SLC6A6: variants seen among roughly 807,000 people sequenced by gnomAD.
The protein encoded by SLC6A6 is solute carrier family 6 member 6.
SLC6A6 carries 16 observed loss-of-function variants against 68.8 expected under a neutral mutation model. The ratio of observed to expected loss-of-function variants is 0.23; its 90% CI spans 0.16 to 0.35. The LOEUF (loss-of-function observed/expected upper bound fraction) is 0.35, where lower values mean the gene tolerates loss of function less well. Ranked by LOEUF, SLC6A6 falls within the 10% of genes least tolerant of loss-of-function variation. SLC6A6 has a pLI of 1.00. For missense variants in SLC6A6, 474 were observed against 802.8 expected, an observed-to-expected ratio of 0.59 and a Z score of 4.95; for synonymous variants, 312 against 315.4, an observed-to-expected ratio of 0.99 and a Z score of 0.12.
intron 4 of SLC6A6, 120 bp from the exon 5 acceptor site, chr3:14,447,462 T>C (rs1240885289): frequency 2.4e-6 from 3 of 1,243,188 alleles, no homozygotes. Flanking sequence ...TGGTGGTCAC[T>C]GTTGAAAGGC....
intron 10 of SLC6A6, among the ~76,000 whole-genome samples, chr3:14,473,020 C>A (rs1700789716): frequency 6.6e-6 from 1 of 152,220 alleles, no homozygotes; most frequent in African/African-American, 2.4e-5. Context: ...AACCCCGTAT[C>A]CCACCCCTTC....
In SLC6A6 at chr3:14,468,336, C is replaced by T; in HGVS notation, c.1096+124C>T. ...GGACGAGCCTGGTTTCTAAAATGGA[C>T]CCCCCCCCCGCCACCAAGATATCCC... On this transcript the variant is annotated intron_variant, in intron 9 of 14. Transcript: ENST00000622186. This position sits in a 1 kb window ranked among gnomAD's most constrained non-coding sequence, Gnocchi z 4.5. The T allele has an allele frequency of 1.6e-5, 4 of 255,972 alleles. No individual in the cohort carries two copies. Among genetic ancestry groups the T allele is most frequent in the Non-Finnish European group, 2.3e-5 (4 of 170,306 alleles). 15.9% of individuals were successfully genotyped at this position (255,972 alleles called of 1,614,324 possible).
chr3:14,484,843 C>A, intron 14 of SLC6A6, 24 bp from the exon 15 acceptor site: 5 of 1,608,726 alleles, frequency 3.1e-6, no homozygotes, highest in Non-Finnish European at 4.2e-6. Flanking sequence ...CGTTTCCCCC[C>A]TCACTCCTGT....
chr3:14,435,446 G>C (rs921112538), intron 2 of SLC6A6, among the ~76,000 whole-genome samples: 1 of 152,232 alleles, frequency 6.6e-6, no homozygotes, highest in East Asian at 1.9e-4. Flanking sequence ...ACCCCAGGTA[G>C]ATAACAAGCC....
chr3:14,443,615 C>T lies in SLC6A6; in HGVS notation c.-11-9C>T, dbSNP rs776026843. 1.3e-6 allele frequency: 2 copies of T among 1,560,524 alleles called. No individual in the cohort carries two copies. The highest frequency in any genetic ancestry group is 2.3e-5 in the East Asian group (1 of 44,408). On this transcript the variant is annotated splice_polypyrimidine_tract_variant and intron_variant, in intron 2 of 14. Transcript: ENST00000622186. ...CAGCTGCAGGATGCTTCTCTTTTGT[C>T]CCCCATAGAAAGCAAGGAGATGGCC...
chr3:14,424,919 A>AGCTT (rs1699559656), intron 2 of SLC6A6, among the ~76,000 whole-genome samples: 1 of 152,154 alleles, frequency 6.6e-6, no homozygotes, highest in Non-Finnish European at 1.5e-5. Flanking sequence ...CGCCTGTTTG[A>AGCTT]CACACAACAC....
intron 5 of SLC6A6, among the ~76,000 whole-genome samples, chr3:14,451,622 G>C (rs942434666): frequency 2.0e-5 from 3 of 152,214 alleles, no homozygotes; most frequent in Non-Finnish European, 4.4e-5. Context: ...AATTGAATGT[G>C]ATTTTTGGAC....
rs149679171 is a variant in SLC6A6, at chr3:14,414,735, T to C, written c.-53-1677T>C. Among the ~76,000 whole-genome samples, 446 of 152,292 alleles carry C rather than the reference T, an allele frequency of 2.9e-3. 15 individuals are homozygous for C. In the East Asian group the frequency reaches 0.062, roughly 21 times the overall value. On this transcript the variant is annotated intron_variant, in intron 1 of 14. Transcript: ENST00000622186. ...TTTGTAGAGACAGGTCTCCCTGTGTTGCTCAGGTTGGTCTTGAACTCTTGG... is the reference window on the plus strand; with the variant it reads ...TTTGTAGAGACAGGTCTCCCTGTGTCGCTCAGGTTGGTCTTGAACTCTTGG...
At chr3:14,452,372 G>A (rs187105967) in intron 5 of SLC6A6, among the ~76,000 whole-genome samples, 2,211 of 152,310 alleles carry the variant, frequency 0.015, 22 homozygotes, top group Non-Finnish European at 0.022. Context: ...GATGTGCTTT[G>A]CAGGGGGCCA....
At chr3:14,415,538 T>A (rs1347091126) in intron 1 of SLC6A6, among the ~76,000 whole-genome samples, 1 of 152,170 alleles carries the variant, frequency 6.6e-6, no homozygotes, top group Non-Finnish European at 1.5e-5. Flanking sequence ...GTTTAACAGT[T>A]CATTGAAAAT....
At chr3:14,444,986 TCCTGC>T (rs985314905) in intron 3 of SLC6A6, 3 of 399,102 alleles carry the variant, frequency 7.5e-6, no homozygotes, top group African/African-American at 6.2e-5. Flanking sequence ...CTTTTCTGCC[TCCTGC>T]CCTGGGCAGG....
At chr3:14,460,332 T>C (rs1386465184) in intron 6 of SLC6A6, among the ~76,000 whole-genome samples, 1 of 151,772 alleles carries the variant, frequency 6.6e-6, no homozygotes, top group Non-Finnish European at 1.5e-5. Flanking sequence ...CAAATGGGGA[T>C]GCGAGCTATG....
intron 2 of SLC6A6, among the ~76,000 whole-genome samples, chr3:14,438,858 G>T (rs1478189122): frequency 6.6e-6 from 1 of 152,230 alleles, no homozygotes; most frequent in East Asian, 1.9e-4. Flanking sequence ...TAGGACACTG[G>T]TTGTTAAATT....
chr3:14,403,909 C>A (rs1199316637), intron 1 of SLC6A6, among the ~76,000 whole-genome samples: 1 of 152,218 alleles, frequency 6.6e-6, no homozygotes, highest in Non-Finnish European at 1.5e-5. Context: ...CCGGGTAGGG[C>A]CACCGGCCTG....
intron 2 of SLC6A6, among the ~76,000 whole-genome samples, chr3:14,433,226 C>A (rs1699769969): frequency 6.6e-6 from 1 of 152,128 alleles, no homozygotes. Context: ...GAGAGAATTG[C>A]CCCAGGTAAG....
At chr3:14,463,620 G>A (rs1209697322) in intron 6 of SLC6A6, among the ~76,000 whole-genome samples, 1 of 152,308 alleles carries the variant, frequency 6.6e-6, no homozygotes, top group Middle Eastern at 3.4e-3. Context: ...GCGCCTGGCC[G>A]CCTGTCCGCC....
chr3:14,470,647 T>C (rs1338442675), intron 9 of SLC6A6, among the ~76,000 whole-genome samples: 1 of 152,194 alleles, frequency 6.6e-6, no homozygotes, highest in East Asian at 1.9e-4. Context: ...CTGGCTGGAC[T>C]CGATTCCTCA....
rs1307346514 is a variant in SLC6A6 at position 14,485,576 on chromosome 3, CA to C, written c.*570del. 2.0e-5 allele frequency: 3 copies of C among 152,602 alleles called. No homozygotes were observed. Among genetic ancestry groups the C allele is most frequent in the Admixed American group, 2.0e-4 (3 of 15,266 alleles). The allele number at this position is 152,602 out of a possible 1,614,324, so 9.5% of individuals were successfully genotyped here. On this transcript the variant is annotated 3_prime_UTR_variant, in exon 15 of 15. Coordinates refer to ENST00000622186, the MANE Select transcript of SLC6A6 (RefSeq NM_003043.6). ...GAGAGGACCCATTAGCTGGCAGACCCAGGGGGAAGAAAGGAGGGCTGTGAGG... is the reference window on the plus strand; with the variant it reads ...GAGAGGACCCATTAGCTGGCAGACCCGGGGGAAGAAAGGAGGGCTGTGAGG...
intron 7 of SLC6A6, among the ~76,000 whole-genome samples, chr3:14,467,165 A>G (rs962872101): frequency 2.0e-5 from 3 of 151,708 alleles, no homozygotes; most frequent in Non-Finnish European, 4.4e-5. Flanking sequence ...GCCCTGGGAG[A>G]TTTTCTGGGT....
Sources: gnomAD v4.1 joint callset for allele counts (sites outside exome capture counted in the v4.1 genomes callset) on GRCh38, gnomAD v4.1.1 for gene constraint, Gnocchi (gnomAD v3.1) non-coding constraint, MANE v1.5 for transcripts, NCBI Gene and HGNC (gene_info 2026-07-23, HGNC 2026-07-21) for gene names.